The following MPP7 variants were observed in gnomAD, a reference collection of about 807,000 sequenced individuals.
MPP7 encodes the protein MAGUK p55 subfamily member 7.
Under a neutral mutation model 76.5 loss-of-function variants are expected in MPP7, and 60 were observed. That is an observed-to-expected ratio of 0.78 (90% CI 0.64 to 0.97). MPP7 has a LOEUF of 0.97. MPP7 is among the 50% of genes least tolerant of loss of function. The pLI is 0.00. For synonymous variants in MPP7, 237 were observed against 244.5 expected (o/e 0.97, Z 0.29); for missense variants, 641 against 694.0 (o/e 0.92, Z 0.86).
At chr10:28,174,260 C>T (rs1836784526) in intron 3 of MPP7, among the ~76,000 whole-genome samples, 1 of 142,874 alleles carries the variant, frequency 7.0e-6, no homozygotes, top group Non-Finnish European at 1.5e-5. Context: ...GCCTTTTGGC[C>T]CCACTAAGTC....
chr10:28,153,494 T>C (rs944289378), intron 3 of MPP7, among the ~76,000 whole-genome samples: 11 of 152,216 alleles, frequency 7.2e-5, no homozygotes, highest in Admixed American at 6.5e-5. Flanking sequence ...AAAATCTATA[T>C]ACATTATGCT....
chr10:28,312,233 T>C (rs1003562145), intron 2 of MPP7, among the ~76,000 whole-genome samples: 1 of 152,112 alleles, frequency 6.6e-6, no homozygotes. Context: ...CCTATCAGAG[T>C]GCCCTTTTTT....
chr10:28,254,004 GAAAA>G (rs199511617), intron 1 of MPP7, among the ~76,000 whole-genome samples: 19 of 92,332 alleles, frequency 2.1e-4, no homozygotes, highest in African/African-American at 7.7e-4. Flanking sequence ...TCACAAAAAA[GAAAA>G]AAAAAAAAAA....
At chr10:28,232,183 C>T (rs1838907123) in intron 2 of MPP7, among the ~76,000 whole-genome samples, 1 of 152,076 alleles carries the variant, frequency 6.6e-6, no homozygotes, top group African/African-American at 2.4e-5. Flanking sequence ...CACAGGAAGA[C>T]TCACAGAAGT....
chr10:28,168,039 C>A (rs1836544135), intron 3 of MPP7, among the ~76,000 whole-genome samples: 1 of 152,172 alleles, frequency 6.6e-6, no homozygotes, highest in African/African-American at 2.4e-5. Context: ...AAGTTTGAGA[C>A]CAGCCTGGGC....
At chr10:28,257,597 G>A in intron 1 of MPP7, among the ~76,000 whole-genome samples, 1 of 118,284 alleles carries the variant, frequency 8.5e-6, no homozygotes, top group Non-Finnish European at 1.7e-5. Context: ...GACTGTGGTG[G>A]GGTGGGGGGA....
rs146917589 is a variant in MPP7 at position 28,125,023 on chromosome 10, A to G, written c.516T>C (p.Ala172=). 2.6e-4 allele frequency: 426 copies of G among 1,613,982 alleles called. 1 individual carries two copies. The African/African-American group carries it at 5.1e-3, about 19-fold the overall frequency. Reference sequence around the variant, plus strand: ...TTAAAGTCTCACCACTTCTATCTGCAGCTCCTCCTCTCATGATTCTGGCCA... The same window carrying G: ...TTAAAGTCTCACCACTTCTATCTGCGGCTCCTCCTCTCATGATTCTGGCCA... ...IIVARIMRGG[A]ADRSGLIHVG... The change falls in exon 7 of 17, where the codon GCT becomes GCC. Residue 172 remains alanine, a synonymous_variant. Transcript: ENST00000683449.
intron 3 of MPP7, among the ~76,000 whole-genome samples, chr10:28,161,582 C>T (rs528937468): frequency 6.6e-6 from 1 of 152,196 alleles, no homozygotes; most frequent in South Asian, 2.1e-4. Context: ...AGAATACGGT[C>T]CCTAGGTGGA....
intron 13 of MPP7, 25 bp from the exon 14 acceptor site, chr10:28,059,768 AG>A (rs1353874100): frequency 6.6e-7 from 1 of 1,517,386 alleles, no homozygotes; most frequent in Admixed American, 1.7e-5. Flanking sequence ...AAAGGAGTTT[AG>A]AAAAGCCCAC....
chr10:28,318,652 T>A (rs1236124896), intron 2 of MPP7, among the ~76,000 whole-genome samples: 2 of 152,066 alleles, frequency 1.3e-5, no homozygotes, highest in Non-Finnish European at 2.9e-5. Context: ...GCCACTGCAC[T>A]CCAGCCTGGG....
At chr10:28,078,292 A>T (rs1190636663) in intron 12 of MPP7, among the ~76,000 whole-genome samples, 1 of 152,210 alleles carries the variant, frequency 6.6e-6, no homozygotes, top group Admixed American at 6.5e-5. Flanking sequence ...GGCTACAAAA[A>T]GTGGCAGAAG....
chr10:28,329,893 C>T (rs1834456168), intron 2 of MPP7: 1 of 152,186 alleles, frequency 6.6e-6, no homozygotes, highest in African/African-American at 2.4e-5. Flanking sequence ...GGGGTCTAAT[C>T]CCAGCTCCTG....
chr10:28,186,198 T>G (rs1288931388), intron 3 of MPP7, among the ~76,000 whole-genome samples: 1 of 151,956 alleles, frequency 6.6e-6, no homozygotes, highest in Non-Finnish European at 1.5e-5. Context: ...ATACAAAAAT[T>G]AGCTGGCCAT....
intron 2 of MPP7, among the ~76,000 whole-genome samples, chr10:28,217,537 A>AAAAAAAAAAAAG (rs1554852920): frequency 7.2e-6 from 1 of 138,174 alleles, no homozygotes; most frequent in Non-Finnish European, 1.5e-5. Context: ...AAAAAAAAAA[A>AAAAAAAAAAAAG]AAAAGAAAAG....
chr10:28,207,783 G>C (rs1040334186), intron 2 of MPP7, among the ~76,000 whole-genome samples: 1 of 152,090 alleles, frequency 6.6e-6, no homozygotes, highest in African/African-American at 2.4e-5. Context: ...AAGGAAAACA[G>C]AACCTGCAAG....
chr10:28,102,851 T>C (rs1488931855), intron 11 of MPP7, among the ~76,000 whole-genome samples: 3 of 152,326 alleles, frequency 2.0e-5, no homozygotes, highest in African/African-American at 7.2e-5. Context: ...CTGCTTCTGC[T>C]GTTTCTCCCT....
intron 2 of MPP7, among the ~76,000 whole-genome samples, chr10:28,225,122 T>C (rs537917266): frequency 6.6e-6 from 1 of 152,264 alleles, no homozygotes; most frequent in African/African-American, 2.4e-5. Flanking sequence ...AATTTCCACA[T>C]ACAGAAGAAT....
At chr10:28,221,218 G>A (rs1167184626) in intron 2 of MPP7, among the ~76,000 whole-genome samples, 1 of 151,938 alleles carries the variant, frequency 6.6e-6, no homozygotes, top group African/African-American at 2.4e-5. Context: ...TTTCTTTTTA[G>A]CTAAAAATAA....
At chr10:28,330,635 A>G (rs973074077) in intron 1 of MPP7, among the ~76,000 whole-genome samples, 1 of 151,972 alleles carries the variant, frequency 6.6e-6, no homozygotes, top group Non-Finnish European at 1.5e-5. Context: ...AGGATAAAAT[A>G]TGGGGTTGCT....
Sources: gnomAD v4.1 joint callset for allele counts (sites outside exome capture counted in the v4.1 genomes callset) on GRCh38, gnomAD v4.1.1 for gene constraint, MANE v1.5 for transcripts, NCBI Gene and HGNC (gene_info 2026-07-23, HGNC 2026-07-21) for gene names.